Variants in HYDIN observed in about 807,000 individuals in gnomAD.
The protein encoded by HYDIN is axonemal central pair apparatus protein HYDIN.
A neutral mutation model predicts 403.9 loss-of-function variants in HYDIN; 132 were observed. That is an observed-to-expected ratio of 0.33 (90% CI 0.28 to 0.38). HYDIN has a LOEUF of 0.38. Ranked by LOEUF, HYDIN falls within the 10% of genes least tolerant of loss-of-function variation. HYDIN has a pLI of 1.00. For missense variants in HYDIN, 2,827 were observed against 5,009.5 expected (o/e 0.56, Z 13.15); for synonymous variants, 1,202 against 1,891.7 (o/e 0.64, Z 9.46).
At chr16:70,810,845 G>C (rs922048088) in intron 84 of HYDIN, among the ~76,000 whole-genome samples, 2 of 151,952 alleles carry the variant, frequency 1.3e-5, no homozygotes, top group Non-Finnish European at 2.9e-5. Flanking sequence ...AAAAAAACCA[G>C]AGGTGTAGAG....
intron 1 of HYDIN, among the ~76,000 whole-genome samples, chr16:71,215,851 T>C (rs990012579): frequency 4.0e-5 from 6 of 149,698 alleles, no homozygotes; most frequent in Non-Finnish European, 7.4e-5. Context: ...AGAGAATATC[T>C]AAATGGCTAA....
intron 1 of HYDIN, among the ~76,000 whole-genome samples, chr16:71,190,044 C>A (rs767636192): frequency 6.6e-6 from 1 of 152,056 alleles, no homozygotes; most frequent in Non-Finnish European, 1.5e-5. Flanking sequence ...TACAAGCTTG[C>A]GATGATTTTC....
At position 70,991,322 on chromosome 16, in the gene HYDIN, G is replaced by A. The variant is rs550281241; in HGVS notation, c.3860C>T (p.Ser1287Leu). The A allele has an allele frequency of 1.2e-6, 2 of 1,614,056 alleles. No homozygotes were observed. The highest frequency in any genetic ancestry group is 2.2e-5 in the East Asian group (1 of 44,882). ...LRKTKASSVI[S>L]DEIKISSTEI... ...CCCATGGAAAGGACACCGTACATCTGAGATCACACTGGAAGCTTTCGTTTT... is the reference window on the plus strand; with the variant it reads ...CCCATGGAAAGGACACCGTACATCTAAGATCACACTGGAAGCTTTCGTTTT... Residue 1287 changes from serine to leucine, a missense_variant, in exon 25 of 86, where the codon TCA becomes TTA. Ser to Leu is a moderately radical substitution (Grantham distance 145). Coordinates refer to ENST00000393567, the MANE Select transcript of HYDIN (RefSeq NM_001270974.2).
chr16:71,135,721 T>C (rs1441908634), intron 8 of HYDIN, among the ~76,000 whole-genome samples: 1 of 152,114 alleles, frequency 6.6e-6, no homozygotes, highest in African/African-American at 2.4e-5. Context: ...ATCCTTTTCC[T>C]TGTGCCTTTT....
intron 11 of HYDIN, among the ~76,000 whole-genome samples, chr16:71,089,192 T>G (rs1461502780): frequency 6.6e-6 from 1 of 151,948 alleles, no homozygotes; most frequent in African/African-American, 2.4e-5. Context: ...CATAGGTGGT[T>G]GCACACTGGG....
At chr16:71,061,861 AGTGTGTGTGTGTGTGT>A (rs66689823) in intron 17 of HYDIN, among the ~76,000 whole-genome samples, 57,844 of 143,652 alleles carry the variant, frequency 0.4, 12,045 homozygotes, top group Non-Finnish European at 0.47. Context: ...CATGTGTGAC[AGTGTGTGTGTGTGTGT>A]GTGTGTGTGT....
Position 70,840,049 on chromosome 16 carries a change from T to C in HYDIN, c.13043+15A>G, listed in dbSNP as rs1477052711. The C allele has an allele frequency of 8.0e-6, 5 of 628,126 alleles. No homozygotes were observed. Among genetic ancestry groups the C allele is most frequent in the African/African-American group, 2.0e-5 (1 of 50,906 alleles). 38.9% of individuals were successfully genotyped at this position (628,126 alleles called of 1,614,324 possible). A position where few individuals can be genotyped will look rare whatever the true frequency, so the allele number is the denominator to read the frequency against. ...CAGCTAGAGAATCATTTGGAGGCTC[T>C]GGAAGCCTGCTTACCTCATAGGTGT... On this transcript the variant is annotated intron_variant, in intron 76 of 85. Coordinates refer to ENST00000393567, the MANE Select transcript of HYDIN (RefSeq NM_001270974.2).
chr16:70,888,096 A>G (rs1270434422), intron 58 of HYDIN, among the ~76,000 whole-genome samples: 2 of 152,244 alleles, frequency 1.3e-5, no homozygotes, highest in Non-Finnish European at 2.9e-5. Flanking sequence ...TCTTCTCTAC[A>G]TCTTCTGTCT....
intron 5 of HYDIN, among the ~76,000 whole-genome samples, chr16:71,173,071 T>C (rs556457588): frequency 6.6e-6 from 1 of 152,306 alleles, no homozygotes; most frequent in South Asian, 2.1e-4. Flanking sequence ...GACTACGCCA[T>C]CATCAGTGCT....
intron 5 of HYDIN, among the ~76,000 whole-genome samples, chr16:71,172,444 T>C (rs1244834482): frequency 1.3e-5 from 2 of 152,254 alleles, no homozygotes; most frequent in African/African-American, 2.4e-5. Flanking sequence ...TATTTTATGA[T>C]GACACTGGCT....
intron 8 of HYDIN, chr16:71,132,794 G>C (rs1414628490): frequency 6.6e-6 from 1 of 152,034 alleles, no homozygotes; most frequent in Non-Finnish European, 1.5e-5. Context: ...CTCTGATGGA[G>C]AATTGGAGCC....
chr16:70,980,542 T>C (rs1344044268), intron 29 of HYDIN, among the ~76,000 whole-genome samples: 1 of 147,658 alleles, frequency 6.8e-6, no homozygotes, highest in Non-Finnish European at 1.5e-5. Flanking sequence ...TATATATAAA[T>C]ATAAATATAA....
chr16:70,860,381 G>T (rs1369227052), intron 70 of HYDIN, among the ~76,000 whole-genome samples, 175 bp from the exon 71 acceptor site: 1 of 144,028 alleles, frequency 6.9e-6, no homozygotes, highest in Non-Finnish European at 1.5e-5. Context: ...CACAGTCAGG[G>T]TAGGGTTCTG....
rs552010840 is a variant in HYDIN, at chr16:70,807,844, G to A, written c.15102C>T (p.Ala5034=). ...PKPQGPFSIR[A]GYSIIIPFKN... is the part of the protein sequence containing the mutation. ...TGAAGGGGATGATTATGCTGTACCC[G>A]GCTCGGATCGAGAAGGGACCTTGGG... is the stretch of plus-strand genomic sequence containing the variant. The change falls in exon 86 of 86, where the codon GCC becomes GCT. Residue 5034 remains alanine (A), a synonymous_variant. Coordinates refer to ENST00000393567, the MANE Select transcript of HYDIN (RefSeq NM_001270974.2). The A allele has an allele frequency of 4.5e-5, 73 of 1,614,178 alleles. No individual in the cohort carries two copies. Among genetic ancestry groups the A allele is most frequent in the Admixed American group, 2.2e-4 (13 of 60,020 alleles).
chr16:70,992,748 C>T (rs996757552), intron 23 of HYDIN, among the ~76,000 whole-genome samples: 6 of 152,112 alleles, frequency 3.9e-5, no homozygotes, highest in African/African-American at 1.4e-4. Context: ...GCTTGCCACA[C>T]CCTAGTCCTG....
chr16:71,009,391 T>C (rs2080000546), intron 23 of HYDIN, among the ~76,000 whole-genome samples: 1 of 151,124 alleles, frequency 6.6e-6, no homozygotes, highest in Admixed American at 6.6e-5. Context: ...CTTTTCTTTT[T>C]TTTTTTTGTA....
intron 69 of HYDIN, among the ~76,000 whole-genome samples, chr16:70,861,156 C>T (rs2143617841): frequency 6.6e-6 from 1 of 152,206 alleles, no homozygotes; most frequent in Non-Finnish European, 1.5e-5. Flanking sequence ...AGAAAATATT[C>T]CTGCTGCAAA....
chr16:70,944,944 G>C (rs958085124), intron 41 of HYDIN, among the ~76,000 whole-genome samples: 4 of 152,178 alleles, frequency 2.6e-5, no homozygotes, highest in African/African-American at 9.7e-5. Context: ...GTAGAGACAG[G>C]GTTTCGCCAT....
chr16:71,041,447 G>C (rs1597620899), intron 18 of HYDIN, among the ~76,000 whole-genome samples: 3 of 152,232 alleles, frequency 2.0e-5, no homozygotes, highest in South Asian at 4.1e-4. Flanking sequence ...GCTTATAGTA[G>C]TAAAAAACTG....
Sources: gnomAD v4.1 joint callset for allele counts (sites outside exome capture counted in the v4.1 genomes callset) on GRCh38, gnomAD v4.1.1 for gene constraint, MANE v1.5 for transcripts, NCBI Gene and HGNC (gene_info 2026-07-23, HGNC 2026-07-21) for gene names.